The following CFDP1 variants were observed in gnomAD, a reference collection of about 807,000 sequenced individuals.
CFDP1 encodes chromatin remodeling protein CFDP1, also known as heterochromatin-stabilizing protein CFDP1.
A neutral mutation model predicts 40.1 loss-of-function variants in CFDP1; 31 were observed. The observed-to-expected ratio is 0.77, with a 90% CI of 0.58 to 1.04. The LOEUF is 1.04. Among genes scored for constraint, CFDP1 ranks in the 50% least tolerant of loss-of-function variants. The probability of loss-of-function intolerance (pLI) is 0.00; values close to 1 mark genes in which losing one functional copy is unlikely to be tolerated. For missense variants in CFDP1, 423 were observed against 343.4 expected (o/e 1.23, Z -1.83); for synonymous variants, 167 against 120.0 (o/e 1.39, Z -2.56).
At chr16:75,399,790 C>A (rs2079032696) in intron 4 of CFDP1, among the ~76,000 whole-genome samples, 1 of 152,032 alleles carries the variant, frequency 6.6e-6, no homozygotes, top group African/African-American at 2.4e-5. Flanking sequence ...CATGGCAAGA[C>A]CCTAACTCTA....
intron 5 of CFDP1, among the ~76,000 whole-genome samples, chr16:75,370,098 T>C (rs2151539018): frequency 6.9e-6 from 1 of 144,200 alleles, no homozygotes; most frequent in African/African-American, 2.5e-5. Context: ...TATTTATTAC[T>C]TTTTTTTTTT....
At chr16:75,345,580 G>A (rs973582886) in intron 5 of CFDP1, among the ~76,000 whole-genome samples, 1 of 152,156 alleles carries the variant, frequency 6.6e-6, no homozygotes, top group African/African-American at 2.4e-5. Flanking sequence ...AGGAGTTCAA[G>A]GATGCAGTGA....
chr16:75,297,380 C>T (rs115613140), intron 6 of CFDP1, among the ~76,000 whole-genome samples: 3,363 of 152,166 alleles, frequency 0.022, 71 homozygotes, highest in African/African-American at 0.054. Context: ...CCAGGGCAAC[C>T]GGAACAGAGA....
intron 5 of CFDP1, among the ~76,000 whole-genome samples, chr16:75,373,331 G>A (rs777824851): frequency 1.1e-4 from 17 of 152,038 alleles, no homozygotes; most frequent in Admixed American, 2.6e-4. Context: ...ATTCATTATC[G>A]TATTGGACTT....
intron 5 of CFDP1, among the ~76,000 whole-genome samples, chr16:75,361,854 C>T (rs1300565584): frequency 1.3e-5 from 2 of 152,102 alleles, no homozygotes; most frequent in Non-Finnish European, 2.9e-5. Context: ...TCCCAGGTTT[C>T]CTTGTATTTG....
intron 5 of CFDP1, among the ~76,000 whole-genome samples, chr16:75,380,532 A>G (rs1450396222): frequency 4.6e-5 from 7 of 152,078 alleles, no homozygotes; most frequent in African/African-American, 1.7e-4. Context: ...AAGTCAATGC[A>G]TCCTCAATGA....
intron 5 of CFDP1, among the ~76,000 whole-genome samples, chr16:75,375,899 A>G (rs56343285): frequency 0.52 from 79,557 of 152,000 alleles, 21,770 homozygotes; most frequent in Admixed American, 0.64. Flanking sequence ...AACCATCTTG[A>G]GGAACTGTTT....
At chr16:75,302,552 T>G (rs2078228257) in intron 6 of CFDP1, among the ~76,000 whole-genome samples, 1 of 152,214 alleles carries the variant, frequency 6.6e-6, no homozygotes, top group African/African-American at 2.4e-5. Flanking sequence ...CTCCCAACAC[T>G]CCTTACTTTT....
intron 5 of CFDP1, among the ~76,000 whole-genome samples, chr16:75,367,123 C>G (rs1267805708): frequency 6.8e-6 from 1 of 146,384 alleles, no homozygotes; most frequent in Non-Finnish European, 1.5e-5. Context: ...GAGATGGCGC[C>G]ACTGCATTCC....
At chr16:75,403,085 C>A (rs966023721) in intron 4 of CFDP1, among the ~76,000 whole-genome samples, 1 of 152,144 alleles carries the variant, frequency 6.6e-6, no homozygotes, top group African/African-American at 2.4e-5. Flanking sequence ...ATTGAGAAAA[C>A]AGCAGACGCC....
chr16:75,330,390 C>T (rs761803464), intron 5 of CFDP1, among the ~76,000 whole-genome samples: 5 of 152,176 alleles, frequency 3.3e-5, no homozygotes, highest in Admixed American at 1.3e-4. Flanking sequence ...AGTTCAAGAC[C>T]AGCCTGACCA....
At chr16:75,327,126 G>A (rs2078407704) in intron 5 of CFDP1, among the ~76,000 whole-genome samples, 1 of 152,098 alleles carries the variant, frequency 6.6e-6, no homozygotes, top group Admixed American at 6.6e-5. Context: ...AAATAGCTGG[G>A]CGTGGTGGCG....
chr16:75,305,277 G>T, intron 5 of CFDP1, 95 bp from the exon 6 acceptor site: 2 of 1,271,930 alleles, frequency 1.6e-6, no homozygotes, highest in Non-Finnish European at 2.2e-6. Context: ...CTAGATTGGG[G>T]CCATTTATCT....
At chr16:75,432,532 C>T (rs1181057294) in intron 1 of CFDP1, among the ~76,000 whole-genome samples, 1 of 151,990 alleles carries the variant, frequency 6.6e-6, no homozygotes, top group Non-Finnish European at 1.5e-5. Flanking sequence ...GCCTAGACAA[C>T]AGCAAGACCC....
intron 1 of CFDP1, among the ~76,000 whole-genome samples, chr16:75,428,069 T>A (rs961384213): frequency 6.6e-6 from 1 of 151,712 alleles, no homozygotes; most frequent in Non-Finnish European, 1.5e-5. Context: ...CAGAGGTTGC[T>A]AATGGCTGGG....
chr16:75,318,019 G>A (rs1424271810), intron 5 of CFDP1, among the ~76,000 whole-genome samples: 1 of 152,138 alleles, frequency 6.6e-6, no homozygotes, highest in Non-Finnish European at 1.5e-5. Flanking sequence ...TACTCAGGAG[G>A]ATGAGGCAGG....
At chr16:75,411,298 G>C (rs1029543533) in intron 4 of CFDP1, among the ~76,000 whole-genome samples, 3 of 151,866 alleles carry the variant, frequency 2.0e-5, no homozygotes, top group African/African-American at 7.3e-5. Context: ...CCAGCTACTC[G>C]GGAGGCTGAA....
chr16:75,333,707 T>C (rs937088071), intron 5 of CFDP1, among the ~76,000 whole-genome samples: 9 of 152,210 alleles, frequency 5.9e-5, no homozygotes, highest in Admixed American at 5.2e-4. Context: ...GAAATGGCTC[T>C]GTCAAATGAG....
At chr16:75,337,249 G>GGGAGCGAGGCCCGGCACAAAGGT (rs1367084698) in intron 5 of CFDP1, among the ~76,000 whole-genome samples, 45 of 152,330 alleles carry the variant, frequency 3.0e-4, no homozygotes, top group African/African-American at 1.1e-3. Flanking sequence ...CACTGGGAGA[G>GGGAGCGAGGCCCGGCACAAAGGT]GGAGCGAGGC....
Sources: gnomAD v4.1 joint callset for allele counts (sites outside exome capture counted in the v4.1 genomes callset) on GRCh38, gnomAD v4.1.1 for gene constraint, MANE v1.5 for transcripts, NCBI Gene and HGNC (gene_info 2026-07-23, HGNC 2026-07-21) for gene names.